The following SRBD1 variants were observed in gnomAD, a reference collection of about 807,000 sequenced individuals.
SRBD1 encodes the protein S1 RNA binding domain 1.
SRBD1 carries 88 observed loss-of-function variants against 115.3 expected under a neutral mutation model. That is an observed-to-expected ratio of 0.76 (90% confidence interval 0.64 to 0.91). The LOEUF is 0.91. Among genes scored for constraint, SRBD1 ranks in the 40% least tolerant of loss-of-function variants. SRBD1 has a pLI of 0.00. For synonymous variants in SRBD1, 509 were observed against 407.7 expected (o/e 1.25, Z -2.99); for missense variants, 1,385 against 1,177.4 (o/e 1.18, Z -2.58).
At chr2:45,602,798 G>C (rs948562419) in intron 2 of SRBD1, among the ~76,000 whole-genome samples, 1 of 152,184 alleles carries the variant, frequency 6.6e-6, no homozygotes, top group African/African-American at 2.4e-5. Flanking sequence ...GTCAATATTA[G>C]TGAGACTTCC....
In SRBD1 at chr2:45,389,142, GT is replaced by G. The variant is rs1646913804; in HGVS notation, c.*167del. Reference sequence around the variant, plus strand: ...AAGGGAAAAGGAAATCAAACTGTTGGTTTTCTATTTATTCAGAAGAAAAAAT... The same window carrying G: ...AAGGGAAAAGGAAATCAAACTGTTGGTTTCTATTTATTCAGAAGAAAAAAT... On this transcript the variant is annotated 3_prime_UTR_variant, in exon 21 of 21. Coordinates refer to ENST00000263736, the MANE Select transcript of SRBD1 (RefSeq NM_018079.5). 1 of 808,422 alleles carries G rather than the reference GT, an allele frequency of 1.2e-6. No homozygotes were observed. The highest frequency in any genetic ancestry group is 2.1e-5 in the South Asian group (1 of 46,904). The allele number at this position is 808,422 out of a possible 1,614,324, so 50.1% of individuals were successfully genotyped here.
At chr2:45,395,155 T>A (rs1667108871) in intron 19 of SRBD1, among the ~76,000 whole-genome samples, 2 of 152,228 alleles carry the variant, frequency 1.3e-5, no homozygotes, top group African/African-American at 4.8e-5. Flanking sequence ...TTCTTGGTTT[T>A]ATTGGTCTGC....
intron 4 of SRBD1, among the ~76,000 whole-genome samples, chr2:45,589,449 G>T (rs1673645038): frequency 6.6e-6 from 1 of 152,200 alleles, no homozygotes; most frequent in Non-Finnish European, 1.5e-5. Context: ...TGAAAGATAG[G>T]CAAGATTCTG....
intron 19 of SRBD1, among the ~76,000 whole-genome samples, chr2:45,406,170 A>G (rs1200558881): frequency 6.6e-6 from 1 of 152,168 alleles, no homozygotes; most frequent in Non-Finnish European, 1.5e-5. Context: ...GGGCAAGGTC[A>G]GGAGTCCTCA....
intron 2 of SRBD1, among the ~76,000 whole-genome samples, chr2:45,603,370 T>C (rs1436092000): frequency 6.6e-6 from 1 of 152,068 alleles, no homozygotes; most frequent in Non-Finnish European, 1.5e-5. Flanking sequence ...ACCCCAGCCC[T>C]TGGTTTTCAT....
chr2:45,539,754 T>C (rs972450348), intron 14 of SRBD1, among the ~76,000 whole-genome samples: 1 of 152,080 alleles, frequency 6.6e-6, no homozygotes, highest in Non-Finnish European at 1.5e-5. Flanking sequence ...TTGAAGCAAC[T>C]TACCATCAGT....
At chr2:45,597,784 T>A (rs1231787748) in intron 4 of SRBD1, among the ~76,000 whole-genome samples, 1 of 152,244 alleles carries the variant, frequency 6.6e-6, no homozygotes, top group East Asian at 1.9e-4. Context: ...GCTTATATAC[T>A]TGTAACCTAG....
At chr2:45,508,726 CT>C (rs972295274) in intron 14 of SRBD1, among the ~76,000 whole-genome samples, 1 of 152,052 alleles carries the variant, frequency 6.6e-6, no homozygotes, top group African/African-American at 2.4e-5. Flanking sequence ...ATTCTTAGAA[CT>C]TTTTTTCTTA....
intron 7 of SRBD1, among the ~76,000 whole-genome samples, chr2:45,578,455 A>G (rs1673244911): frequency 6.6e-6 from 1 of 152,204 alleles, no homozygotes; most frequent in South Asian, 2.1e-4. Context: ...CCCTTCTCCA[A>G]ACATTAAGAT....
At chr2:45,579,850 TG>T in intron 7 of SRBD1, 24 bp downstream of exon 7, 1 of 1,500,830 alleles carries the variant, frequency 6.7e-7, no homozygotes, top group Non-Finnish European at 8.9e-7. Context: ...GAAACAAAGT[TG>T]ATCTCTGTAA....
At chr2:45,522,041 C>G (rs375754549) in intron 14 of SRBD1, among the ~76,000 whole-genome samples, 3 of 151,862 alleles carry the variant, frequency 2.0e-5, no homozygotes, top group African/African-American at 7.2e-5. Flanking sequence ...TAATGTATAC[C>G]AATGTTCATA....
At chr2:45,603,342 T>C (rs1437438086) in intron 2 of SRBD1, among the ~76,000 whole-genome samples, 2 of 152,142 alleles carry the variant, frequency 1.3e-5, no homozygotes, top group African/African-American at 4.8e-5. Context: ...CCTTAGAGCA[T>C]ATCCCTTACA....
intron 7 of SRBD1, among the ~76,000 whole-genome samples, chr2:45,575,857 C>T (rs1270212428): frequency 1.3e-5 from 2 of 152,250 alleles, no homozygotes; most frequent in East Asian, 3.9e-4. Context: ...GCACACACCA[C>T]CACACCCAGC....
intron 10 of SRBD1, among the ~76,000 whole-genome samples, chr2:45,554,803 G>A (rs1327574687): frequency 5.3e-5 from 8 of 151,970 alleles, no homozygotes; most frequent in Admixed American, 4.6e-4. Context: ...TAGTTGTTTG[G>A]TGCCTACTGT....
Position 45,389,565 on chromosome 2 carries a change from T to C in SRBD1, c.2733A>G (p.Val911=), listed in dbSNP as rs1558545917. The C allele has an allele frequency of 3.1e-6, 5 of 1,613,744 alleles. No individual in the cohort carries two copies. In the African/African-American group the frequency reaches 5.3e-5, roughly 17 times the overall value. The change falls in exon 21 of 21, where the codon GTA becomes GTG. Residue 911 remains valine (V), a synonymous_variant. Coordinates refer to ENST00000263736, the MANE Select transcript of SRBD1 (RefSeq NM_018079.5). ...FDKPDFKRSI[V]CLEDLQIGTV... is the part of the protein sequence containing the mutation. The stretch of plus-strand genomic sequence containing the variant: ...TCCCAATCTGCAGATCTTCCAGGCA[T>C]ACTATGCTTCTCTTGAAATCAGGTT...
chr2:45,559,479 A>G (rs767046114), intron 10 of SRBD1, among the ~76,000 whole-genome samples: 6 of 152,084 alleles, frequency 3.9e-5, no homozygotes, highest in African/African-American at 1.4e-4. Flanking sequence ...TAATCTCAAC[A>G]TACTCGTAAT....
intron 16 of SRBD1, among the ~76,000 whole-genome samples, chr2:45,443,849 C>T (rs1428724431): frequency 6.9e-6 from 1 of 144,246 alleles, no homozygotes; most frequent in African/African-American, 2.5e-5. Flanking sequence ...ACTAGTTTTA[C>T]AAAGAGTGTT....
At chr2:45,608,684 T>A (rs1264973606) in intron 1 of SRBD1, among the ~76,000 whole-genome samples, 2 of 152,178 alleles carry the variant, frequency 1.3e-5, no homozygotes, top group Admixed American at 6.5e-5. Context: ...TATTTAGATG[T>A]CTCACAGTTA....
chr2:45,591,609 T>C (rs541714216), intron 4 of SRBD1, among the ~76,000 whole-genome samples: 3 of 152,266 alleles, frequency 2.0e-5, no homozygotes, highest in Admixed American at 6.5e-5. Context: ...TGAGGCTACA[T>C]GGTGAATTCT....
Sources: gnomAD v4.1 joint callset for allele counts (sites outside exome capture counted in the v4.1 genomes callset) on GRCh38, gnomAD v4.1.1 for gene constraint, MANE v1.5 for transcripts, NCBI Gene and HGNC (gene_info 2026-07-23, HGNC 2026-07-21) for gene names.